The following NHS variants were observed in gnomAD, a reference collection of about 807,000 sequenced individuals.
NHS encodes the protein NHS actin remodeling regulator.
In NHS, 5 loss-of-function variants were observed where a neutral mutation model predicts 72.5. The observed-to-expected ratio is 0.07, with a 90% CI of 0.04 to 0.14. The LOEUF is 0.14. Among genes scored for constraint, NHS ranks in the 10% least tolerant of loss-of-function variants. The probability of loss-of-function intolerance (pLI) is 1.00; values close to 1 mark genes in which losing one functional copy is unlikely to be tolerated. For synonymous variants in NHS, 464 were observed against 547.7 expected, an observed-to-expected ratio of 0.85 and a Z score of 2.13; for missense variants, 1,072 against 1,355.7, an observed-to-expected ratio of 0.79 and a Z score of 3.29.
intron 1 of NHS, among the ~76,000 whole-genome samples, chrX:17,529,490 T>C (rs1483587017): frequency 8.9e-6 from 1 of 111,919 alleles, no homozygotes. Flanking sequence ...TAAGCTTCAG[T>C]TGGCTCCAGT....
intron 1 of NHS, among the ~76,000 whole-genome samples, chrX:17,485,195 A>G: frequency 8.9e-6 from 1 of 112,680 alleles, no homozygotes; most frequent in Middle Eastern, 4.6e-3. Flanking sequence ...TCTCAACCTT[A>G]TGTGCACTAA....
intron 1 of NHS, among the ~76,000 whole-genome samples, chrX:17,431,310 T>G (rs187005770): frequency 8.9e-6 from 1 of 111,851 alleles, no homozygotes; most frequent in East Asian, 2.8e-4. Flanking sequence ...CTACGAAATA[T>G]GACCCACTAG....
rs1169919598 is a variant in NHS at position 17,721,628 on chromosome X, T to A, written c.1103T>A (p.Val368Asp). Residue 368 changes from valine to aspartate, a missense_variant, in exon 5 of 9, where the codon GTT becomes GAT. Transcript: ENST00000676302. Reference sequence around the variant, plus strand: ...TCTTCTTGCATTATTCCCATCAATGTTACTGGTATCGTTCTGGTTTTTTCT... The same window carrying A: ...TCTTCTTGCATTATTCCCATCAATGATACTGGTATCGTTCTGGTTTTTTCT... Reference protein sequence around the residue: ...VISSCIIPINVTGVGFDREAS... With the variant: ...VISSCIIPINDTGVGFDREAS... 8.3e-7 allele frequency: 1 copy of A among 1,205,685 alleles called. No homozygotes were observed. Among genetic ancestry groups the A allele is most frequent in the Non-Finnish European group, 1.1e-6 (1 of 892,030 alleles).
intron 1 of NHS, among the ~76,000 whole-genome samples, chrX:17,672,518 CA>C (rs1280513255): frequency 8.9e-6 from 1 of 112,569 alleles, no homozygotes; most frequent in East Asian, 2.8e-4. Flanking sequence ...CTTTGGTGAC[CA>C]GTGAAGCCAG....
At chrX:17,636,777 G>A (rs1413622870) in intron 1 of NHS, among the ~76,000 whole-genome samples, 3 of 112,207 alleles carry the variant, frequency 2.7e-5, no homozygotes, top group African/African-American at 9.7e-5. Context: ...TGTTACTTAA[G>A]ATCGCTCAGG....
intron 1 of NHS, among the ~76,000 whole-genome samples, chrX:17,620,535 T>C: frequency 9.1e-6 from 1 of 109,342 alleles, no homozygotes; most frequent in African/African-American, 3.3e-5. Context: ...AGGCAACAGT[T>C]GAGTGGTAGA....
chrX:17,556,521 C>A (rs1784568178), intron 1 of NHS, among the ~76,000 whole-genome samples: 1 of 112,984 alleles, frequency 8.9e-6, no homozygotes, highest in Admixed American at 9.3e-5. Context: ...TCACCATGTA[C>A]CTGGCTGTAT....
intron 1 of NHS, among the ~76,000 whole-genome samples, chrX:17,454,005 C>G: frequency 8.9e-6 from 1 of 112,237 alleles, no homozygotes. Flanking sequence ...ATGTCTATGT[C>G]TATGAGTGTG....
At chrX:17,504,136 T>C (rs1326715707) in intron 1 of NHS, among the ~76,000 whole-genome samples, 1 of 112,147 alleles carries the variant, frequency 8.9e-6, no homozygotes, top group East Asian at 2.8e-4. Flanking sequence ...AATCTACTCT[T>C]TGAGCAGCAT....
At position 17,692,439 on chromosome X, in the gene NHS, C is replaced by A; in HGVS notation, c.823C>A (p.Arg275Ser). ...AYPPAHSQRRREFKDRHFLTF... is the reference protein window; with the variant it reads ...AYPPAHSQRRSEFKDRHFLTF... ...CCCTCCAGCTCACAGCCAGAGGAGG[C>A]GTGAGTTTAAGGACCGTCACTTTTT... Residue 275 changes from arginine to serine, a missense_variant, in exon 3 of 9, where the codon CGT becomes AGT. Physicochemically the swap from Arg to Ser is moderately radical, Grantham distance 110. Coordinates refer to ENST00000676302, the MANE Select transcript of NHS (RefSeq NM_001291867.2). 8.3e-7 allele frequency: 1 copy of A among 1,210,272 alleles called. No homozygotes were observed. Among genetic ancestry groups the A allele is most frequent in the Non-Finnish European group, 1.1e-6 (1 of 895,080 alleles).
intron 1 of NHS, among the ~76,000 whole-genome samples, chrX:17,538,351 G>A (rs182346008): frequency 1.1e-4 from 12 of 111,564 alleles, no homozygotes; most frequent in Admixed American, 9.5e-4. Flanking sequence ...GGGGGGTCCT[G>A]GAAGCAGTGG....
intron 1 of NHS, among the ~76,000 whole-genome samples, chrX:17,477,072 G>T (rs929722376): frequency 8.9e-6 from 1 of 112,259 alleles, no homozygotes; most frequent in Non-Finnish European, 1.9e-5. Context: ...AACACATACA[G>T]ATCTCTGTTT....
intron 3 of NHS, among the ~76,000 whole-genome samples, chrX:17,708,415 A>G (rs1192254319): frequency 4.5e-5 from 5 of 111,956 alleles, no homozygotes; most frequent in Non-Finnish European, 9.4e-5. Context: ...TCCACTTGAA[A>G]TGCCCTTTCT....
At chrX:17,685,211 C>T (rs761887363) in intron 1 of NHS, among the ~76,000 whole-genome samples, 1 of 112,057 alleles carries the variant, frequency 8.9e-6, no homozygotes, top group African/African-American at 3.2e-5. Flanking sequence ...GACCAAATGA[C>T]GTCACTGAGA....
chrX:17,519,590 G>T (rs923005844), intron 1 of NHS, among the ~76,000 whole-genome samples: 2 of 111,491 alleles, frequency 1.8e-5, no homozygotes, highest in African/African-American at 6.5e-5. Context: ...CACACCATCC[G>T]CCCGGATGTT....
intron 1 of NHS, among the ~76,000 whole-genome samples, chrX:17,658,527 G>A (rs1193739579): frequency 8.9e-6 from 1 of 111,894 alleles, no homozygotes; most frequent in Non-Finnish European, 1.9e-5. Context: ...GATCGTGACT[G>A]GGGGGAAGGA....
intron 1 of NHS, among the ~76,000 whole-genome samples, chrX:17,538,525 G>C (rs937409010): frequency 1.8e-5 from 2 of 111,605 alleles, no homozygotes; most frequent in Non-Finnish European, 3.8e-5. Context: ...GAGGAAGCTG[G>C]GGTGTTCTTC....
chrX:17,734,503 G>C lies in NHS; in HGVS notation c.*2039G>C, dbSNP rs1361600804. On this transcript the variant is annotated 3_prime_UTR_variant, in exon 9 of 9. Coordinates refer to ENST00000676302, the MANE Select transcript of NHS (RefSeq NM_001291867.2). ...GGGTATAAGAGGAGGGAGAGTCAGAGAGAGTGTGTATGGGTGTGTGTGAGT... is the reference window on the plus strand; with the variant it reads ...GGGTATAAGAGGAGGGAGAGTCAGACAGAGTGTGTATGGGTGTGTGTGAGT... 9.0e-6 allele frequency: 1 copy of C among 111,580 alleles called. No individual in the cohort carries two copies. The highest frequency in any genetic ancestry group is 1.9e-5 in the Non-Finnish European group (1 of 52,987). The allele number at this position is 111,580 out of a possible 1,213,427, so 9.2% of individuals were successfully genotyped here.
At chrX:17,626,582 C>G in intron 1 of NHS, among the ~76,000 whole-genome samples, 1 of 111,859 alleles carries the variant, frequency 8.9e-6, no homozygotes. Flanking sequence ...TTGAACTAAG[C>G]ACTGGGAAGT....
Sources: gnomAD v4.1 joint callset for allele counts (sites outside exome capture counted in the v4.1 genomes callset) on GRCh38, gnomAD v4.1.1 for gene constraint, MANE v1.5 for transcripts, NCBI Gene and HGNC (gene_info 2026-07-23, HGNC 2026-07-21) for gene names.